CELF2: variants seen among roughly 807,000 people sequenced by gnomAD.
The protein encoded by CELF2 is CUG triplet repeat RNA-binding protein 2.
Under a neutral mutation model 62.6 loss-of-function variants are expected in CELF2, and 8 were observed. The ratio of observed to expected loss-of-function variants is 0.13; its 90% CI spans 0.07 to 0.23. CELF2 has a LOEUF of 0.23. CELF2 is among the 10% of genes least tolerant of loss of function. CELF2 has a pLI of 1.00. For missense variants in CELF2, 333 were observed against 671.0 expected (o/e 0.50, Z 5.56); for synonymous variants, 258 against 250.0 (o/e 1.03, Z -0.30).
intron 1 of CELF2, among the ~76,000 whole-genome samples, chr10:11,106,517 G>A (rs1052930870): frequency 8.5e-5 from 13 of 152,250 alleles, no homozygotes; most frequent in Admixed American, 6.5e-5. Context: ...GATTATAGGC[G>A]TGAGCCACTG....
At chr10:11,068,091 A>G (rs1426710271) in intron 1 of CELF2, among the ~76,000 whole-genome samples, 1 of 152,202 alleles carries the variant, frequency 6.6e-6, no homozygotes, top group East Asian at 1.9e-4. Flanking sequence ...TAGTGTGGAG[A>G]TAGAACCAAA....
At chr10:11,288,679 G>A in intron 9 of CELF2, 127 bp downstream of exon 9, 2 of 989,548 alleles carry the variant, frequency 2.0e-6, no homozygotes, top group Non-Finnish European at 1.4e-6. Context: ...ATACTGGGCT[G>A]CTTTATGTCA....
chr10:10,629,445 G>A, the CELF2 span, among the ~76,000 whole-genome samples: 12 of 152,246 alleles, frequency 7.9e-5, no homozygotes, highest in South Asian at 8.3e-4. Context: ...TTGCTTTGTC[G>A]TGTTGGGGTC....
At chr10:10,949,842 A>C (rs1291891) in intron 2 of CELF2, among the ~76,000 whole-genome samples, 5,121 of 151,650 alleles carry the variant, frequency 0.034, 117 homozygotes, top group Middle Eastern at 0.061. Flanking sequence ...AAAAAAAAAA[A>C]AAAAAACTCA....
chr10:11,055,120 T>C (rs1434442348), intron 1 of CELF2, among the ~76,000 whole-genome samples: 2 of 152,286 alleles, frequency 1.3e-5, no homozygotes, highest in Non-Finnish European at 2.9e-5. Flanking sequence ...CATGTGTTAA[T>C]GTATTATTCT....
At chr10:10,522,311 T>C in the CELF2 span, among the ~76,000 whole-genome samples, 1 of 152,228 alleles carries the variant, frequency 6.6e-6, no homozygotes, top group East Asian at 1.9e-4. Context: ...CATTAGGAAA[T>C]ATTGAGCCTA....
chr10:11,059,579 C>T (rs1295675515), intron 1 of CELF2, among the ~76,000 whole-genome samples: 1 of 152,124 alleles, frequency 6.6e-6, no homozygotes, highest in Non-Finnish European at 1.5e-5. Flanking sequence ...TTCTGTGCCT[C>T]AAAGATATAA....
At chr10:10,582,988 G>C in the CELF2 span, among the ~76,000 whole-genome samples, 1 of 152,198 alleles carries the variant, frequency 6.6e-6, no homozygotes, top group Non-Finnish European at 1.5e-5. Flanking sequence ...AGTTGGACAA[G>C]CTGGAATCTG....
chr10:10,729,713 A>C, the CELF2 span, among the ~76,000 whole-genome samples: 34 of 152,192 alleles, frequency 2.2e-4, no homozygotes, highest in African/African-American at 8.2e-4. Flanking sequence ...TGGGAGGCGG[A>C]GGGTGCAGTA....
At chr10:10,640,661 A>T in the CELF2 span, among the ~76,000 whole-genome samples, 1 of 152,224 alleles carries the variant, frequency 6.6e-6, no homozygotes, top group African/African-American at 2.4e-5. Context: ...GGCACTCAGT[A>T]AATATTTGTT....
At chr10:10,809,254 G>C (rs1250635165) in intron 1 of CELF2, among the ~76,000 whole-genome samples, 1 of 152,124 alleles carries the variant, frequency 6.6e-6, no homozygotes, top group Non-Finnish European at 1.5e-5. Context: ...AGAAGGTGCT[G>C]TCTGCAAGCC....
chr10:10,748,747 CAAAAAAAAAAA>C, the CELF2 span, among the ~76,000 whole-genome samples: 13 of 37,002 alleles, frequency 3.5e-4, no homozygotes, highest in South Asian at 7.2e-3. Context: ...GACTCTGTCT[CAAAAAAAAAAA>C]AAAAAAAAAA....
chr10:10,854,656 C>T (rs1431690716), intron 1 of CELF2, among the ~76,000 whole-genome samples: 1 of 152,122 alleles, frequency 6.6e-6, no homozygotes, highest in Non-Finnish European at 1.5e-5. Context: ...TGCTTGCTGC[C>T]TCTCCAGTGC....
At chr10:10,492,534 G>A in the CELF2 span, among the ~76,000 whole-genome samples, 1 of 152,110 alleles carries the variant, frequency 6.6e-6, no homozygotes, top group African/African-American at 2.4e-5. Context: ...AATAAACCAT[G>A]GAACTACCAT....
At chr10:10,510,755 G>T in the CELF2 span, among the ~76,000 whole-genome samples, 519 of 152,326 alleles carry the variant, frequency 3.4e-3, 3 homozygotes, top group African/African-American at 0.012. Flanking sequence ...GAAGAAGAGT[G>T]CTGGGCAGTT....
chr10:11,193,358 G>A (rs1344929194), intron 2 of CELF2, among the ~76,000 whole-genome samples: 1 of 152,212 alleles, frequency 6.6e-6, no homozygotes, highest in Non-Finnish European at 1.5e-5. Flanking sequence ...GAGCCTGTAA[G>A]AAATCACACA....
chr10:11,051,258 A>G (rs1291885), intron 1 of CELF2, among the ~76,000 whole-genome samples: 59,361 of 152,126 alleles, frequency 0.39, 13,869 homozygotes, highest in African/African-American at 0.64. Flanking sequence ...GGAGCCAGAC[A>G]GTGATACAGA....
the CELF2 span, among the ~76,000 whole-genome samples, chr10:10,586,371 A>C: frequency 2.0e-5 from 3 of 152,308 alleles, no homozygotes; most frequent in Non-Finnish European, 4.4e-5. Context: ...TGAAACTTAC[A>C]TGTTTCAGAG....
chr10:11,085,235 T>C (rs1312799916), intron 1 of CELF2, among the ~76,000 whole-genome samples: 1 of 152,214 alleles, frequency 6.6e-6, no homozygotes, highest in Admixed American at 6.5e-5. Context: ...TCCAGTTCTT[T>C]ACAGACAAGA....
Sources: gnomAD v4.1 joint callset for allele counts (sites outside exome capture counted in the v4.1 genomes callset) on GRCh38, gnomAD v4.1.1 for gene constraint, MANE v1.5 for transcripts, NCBI Gene and HGNC (gene_info 2026-07-23, HGNC 2026-07-21) for gene names.